ATG3: variants seen among roughly 807,000 people sequenced by gnomAD.
ATG3 encodes autophagy related 3.
Under a neutral mutation model 50.7 loss-of-function variants are expected in ATG3, and 25 were observed. The ratio of observed to expected loss-of-function variants is 0.49; its 90% confidence interval spans 0.36 to 0.69. ATG3 has a LOEUF of 0.69. Ranked by LOEUF, ATG3 falls within the 30% of genes least tolerant of loss-of-function variation. ATG3 has a pLI of 0.00. For synonymous variants in ATG3, 119 were observed against 125.5 expected, an observed-to-expected ratio of 0.95 and a Z score of 0.34; for missense variants, 281 against 376.0, an observed-to-expected ratio of 0.75 and a Z score of 2.09.
intron 11 of ATG3, chr3:112,533,078 C>T: frequency 2.0e-6 from 2 of 1,023,180 alleles, no homozygotes; most frequent in South Asian, 4.1e-5. Context: ...TAAATGAGTA[C>T]AAAATGTACT....
chr3:112,557,265 A>T (rs1043022299), intron 2 of ATG3, among the ~76,000 whole-genome samples: 1 of 152,074 alleles, frequency 6.6e-6, no homozygotes, highest in African/African-American at 2.4e-5. Context: ...GTTAGCCTGT[A>T]TTCCGCCTGC....
chr3:112,538,002 T>A (rs1933119386), intron 8 of ATG3, 112 bp from the exon 9 acceptor site: 1 of 1,269,324 alleles, frequency 7.9e-7, no homozygotes, highest in South Asian at 1.4e-5. Context: ...GTAAATGAAC[T>A]TGGAACTCAA....
chr3:112,544,839 T>C (rs1933331306), intron 5 of ATG3, among the ~76,000 whole-genome samples: 1 of 152,072 alleles, frequency 6.6e-6, no homozygotes, highest in Admixed American at 6.5e-5. Context: ...TTTGGAATAT[T>C]TGCATAAATA....
At chr3:112,544,827 A>AT (rs1933331131) in intron 5 of ATG3, among the ~76,000 whole-genome samples, 1 of 151,962 alleles carries the variant, frequency 6.6e-6, no homozygotes, top group South Asian at 2.1e-4. Context: ...ATTTTTTTAG[A>AT]TTTTGGAATA....
intron 7 of ATG3, among the ~76,000 whole-genome samples, chr3:112,539,225 T>TGA (rs908821048): frequency 7.9e-5 from 12 of 152,100 alleles, no homozygotes; most frequent in African/African-American, 2.7e-4. Context: ...CTCCTCTACT[T>TGA]GAAAAACAAA....
chr3:112,555,856 T>C (rs929708975), intron 2 of ATG3, among the ~76,000 whole-genome samples: 2 of 152,212 alleles, frequency 1.3e-5, no homozygotes, highest in Non-Finnish European at 2.9e-5. Flanking sequence ...TTGATTGATG[T>C]TGTAATTAAG....
rs1363530033 is a variant in ATG3 at position 112,561,546 on chromosome 3, G to A, written c.-18C>T. On this transcript the variant is annotated 5_prime_UTR_variant, in exon 1 of 12. Coordinates refer to ENST00000283290, the MANE Select transcript of ATG3 (RefSeq NM_022488.5). ...TTCTGCATCCTGGGGCCGGAGTAGC[G>A]GCCGGCCCCGCGACGGGATGGAAAG... 1.3e-6 allele frequency: 2 copies of A among 1,599,840 alleles called. No homozygotes were observed. The highest frequency in any genetic ancestry group is 1.7e-6 in the Non-Finnish European group (2 of 1,175,844).
chr3:112,548,326 G>C (rs939136978), intron 5 of ATG3, among the ~76,000 whole-genome samples: 2 of 152,166 alleles, frequency 1.3e-5, no homozygotes, highest in African/African-American at 4.8e-5. Flanking sequence ...CCTGGTGACA[G>C]AGCAAGACTC....
chr3:112,547,342 A>G (rs35748518), intron 5 of ATG3, among the ~76,000 whole-genome samples: 10,200 of 152,172 alleles, frequency 0.067, 423 homozygotes, highest in Admixed American at 0.12. Flanking sequence ...GGAGAAAAAC[A>G]TATTTAGTAT....
intron 2 of ATG3, among the ~76,000 whole-genome samples, chr3:112,555,399 A>G (rs925473914): frequency 9.2e-5 from 14 of 152,242 alleles, no homozygotes; most frequent in African/African-American, 3.4e-4. Context: ...TATTATCAGT[A>G]TATAATACTG....
At position 112,541,788 on chromosome 3, in the gene ATG3, C is replaced by CTAGA. The variant is rs1462916875; in HGVS notation, c.475+11_475+14dup. The CTAGA allele has an allele frequency of 6.3e-7, 1 of 1,598,480 alleles. No homozygotes were observed. Among genetic ancestry groups the CTAGA allele is most frequent in the Non-Finnish European group, 8.5e-7 (1 of 1,169,680 alleles). On this transcript the variant is annotated intron_variant, in intron 7 of 11. Coordinates refer to ENST00000283290, the MANE Select transcript of ATG3 (RefSeq NM_022488.5). ...ATATTCTAGTGGAACTGAAGCAAATCTAGAACAGGAATACCTTCCATATCT... is the reference window on the plus strand; with the variant it reads ...ATATTCTAGTGGAACTGAAGCAAATCTAGATAGAACAGGAATACCTTCCATATCT...
At chr3:112,542,382 T>G (rs954233834) in intron 6 of ATG3, among the ~76,000 whole-genome samples, 2 of 152,144 alleles carry the variant, frequency 1.3e-5, no homozygotes, top group Non-Finnish European at 2.9e-5. Flanking sequence ...AAGATATCAG[T>G]TCAATTTCTT....
intron 4 of ATG3, 104 bp downstream of exon 4, chr3:112,550,088 G>A: frequency 1.4e-6 from 1 of 717,378 alleles, no homozygotes; most frequent in Non-Finnish European, 2.3e-6. Flanking sequence ...ACAGAAAGAG[G>A]TGATAAAACT....
At chr3:112,553,521 A>G (rs1049439214) in intron 2 of ATG3, among the ~76,000 whole-genome samples, 192 bp from the exon 3 acceptor site, 1 of 152,216 alleles carries the variant, frequency 6.6e-6, no homozygotes, top group African/African-American at 2.4e-5. Context: ...CTAAACTGCA[A>G]TGTTTTCTAA....
At chr3:112,543,751 T>C (rs1231173532) in intron 6 of ATG3, among the ~76,000 whole-genome samples, 1 of 152,176 alleles carries the variant, frequency 6.6e-6, no homozygotes, top group African/African-American at 2.4e-5. Flanking sequence ...TCTTTTAAAC[T>C]AGCCTAGAAG....
chr3:112,538,118 T>G (rs770545607), intron 8 of ATG3, 28 bp downstream of exon 8: 3 of 1,521,910 alleles, frequency 2.0e-6, no homozygotes, highest in Non-Finnish European at 2.7e-6. Flanking sequence ...CCATTAAAAA[T>G]TAACTAAAGA....
intron 5 of ATG3, 52 bp downstream of exon 5, chr3:112,548,481 T>C (rs986528883): frequency 7.1e-7 from 1 of 1,410,782 alleles, no homozygotes; most frequent in Admixed American, 1.7e-5. Context: ...TATAAAAGAT[T>C]GTGAAAGAGT....
intron 5 of ATG3, among the ~76,000 whole-genome samples, chr3:112,546,322 T>C (rs1187126338): frequency 6.6e-6 from 1 of 152,122 alleles, no homozygotes; most frequent in Non-Finnish European, 1.5e-5. Flanking sequence ...ACAGTCGACC[T>C]GATAATCGAG....
intron 7 of ATG3, among the ~76,000 whole-genome samples, chr3:112,539,215 C>T (rs1434151389): frequency 1.3e-5 from 2 of 152,152 alleles, no homozygotes; most frequent in Non-Finnish European, 2.9e-5. Context: ...TGAAATGTCA[C>T]TCCTCTACTT....
Sources: gnomAD v4.1 joint callset for allele counts (sites outside exome capture counted in the v4.1 genomes callset) on GRCh38, gnomAD v4.1.1 for gene constraint, MANE v1.5 for transcripts, NCBI Gene and HGNC (gene_info 2026-07-23, HGNC 2026-07-21) for gene names.